The following ASTN1 variants were observed in gnomAD, a reference collection of about 807,000 sequenced individuals.
The protein encoded by ASTN1 is astrotactin-1.
Under a neutral mutation model 140.7 loss-of-function variants are expected in ASTN1, and 41 were observed. The observed-to-expected ratio is 0.29, with a 90% CI of 0.23 to 0.38. The LOEUF (loss-of-function observed/expected upper bound fraction) is 0.38. Ranked by LOEUF, ASTN1 falls within the 10% of genes least tolerant of loss-of-function variation. ASTN1 has a pLI of 1.00. For synonymous variants in ASTN1, 640 were observed against 652.2 expected (o/e 0.98, Z 0.29); for missense variants, 1,479 against 1,678.8 (o/e 0.88, Z 2.08).
In ASTN1 at chr1:176,888,145, C is replaced by T; in HGVS notation, c.3000G>A (p.Glu1000=). The T allele has an allele frequency of 6.2e-7, 1 of 1,614,084 alleles. No individual in the cohort carries two copies. The highest frequency in any genetic ancestry group is 1.1e-5 in the South Asian group (1 of 91,074). ...LWCSGTGDVI[E]DWCRCDSTAF... ...CAGTGGAGTCACATCGACACCAGTC[C>T]TCGATGACATCTCCAGTCCCTGAGC... The change falls in exon 18 of 23, where the codon GAG becomes GAA. Residue 1000 remains glutamate (E), a synonymous_variant. Transcript: ENST00000361833.
intron 16 of ASTN1, among the ~76,000 whole-genome samples, chr1:176,929,107 G>C (rs1423109945): frequency 1.3e-5 from 2 of 152,234 alleles, no homozygotes; most frequent in Non-Finnish European, 2.9e-5. Flanking sequence ...CATCAGAGTG[G>C]AGGGTACTTG....
rs180748648 is a variant in ASTN1, at chr1:176,999,025, C to T, written c.1523+15766G>A. 5.9e-5 allele frequency among the ~76,000 whole-genome samples: 9 copies of T among 152,310 alleles called. No homozygotes were observed. The East Asian group carries it at 1.7e-3, about 29-fold the overall frequency. Reference sequence around the variant, plus strand: ...AGAAGTGTGCTAGGCACAGAGTAAACTGACAGTAAATTATTACCTATTATT... The same window carrying T: ...AGAAGTGTGCTAGGCACAGAGTAAATTGACAGTAAATTATTACCTATTATT... On this transcript the variant is annotated intron_variant, in intron 8 of 22. Transcript: ENST00000361833.
intron 8 of ASTN1, among the ~76,000 whole-genome samples, chr1:176,989,757 GAC>G (rs1470572628): frequency 1.3e-5 from 2 of 152,156 alleles, no homozygotes; most frequent in Non-Finnish European, 2.9e-5. Context: ...ATTCCAGGAA[GAC>G]AGAGAAAATG....
intron 1 of ASTN1, among the ~76,000 whole-genome samples, chr1:177,111,136 C>T (rs1571799383): frequency 1.3e-5 from 2 of 152,148 alleles, no homozygotes; most frequent in East Asian, 3.9e-4. Context: ...ATTTGTTAAG[C>T]CCCTCTTCTT....
intron 16 of ASTN1, among the ~76,000 whole-genome samples, chr1:176,919,066 C>T (rs1670622329): frequency 6.6e-6 from 1 of 152,216 alleles, no homozygotes; most frequent in African/African-American, 2.4e-5. Context: ...TCCTAGCATC[C>T]TATTCATTAC....
At chr1:177,138,090 C>T (rs1267271611) in intron 1 of ASTN1, among the ~76,000 whole-genome samples, 1 of 152,132 alleles carries the variant, frequency 6.6e-6, no homozygotes, top group South Asian at 2.1e-4. Context: ...AGCTCCAGAC[C>T]TGGTGCTCAG....
intron 1 of ASTN1, among the ~76,000 whole-genome samples, chr1:177,145,372 G>A (rs1226170179): frequency 6.6e-6 from 1 of 152,112 alleles, no homozygotes; most frequent in Admixed American, 6.5e-5. Context: ...TGCCTTCCAG[G>A]CTCACTGTAT....
chr1:176,936,413 A>C, intron 14 of ASTN1, 43 bp from the exon 15 acceptor site: 1 of 1,516,332 alleles, frequency 6.6e-7, no homozygotes, highest in Non-Finnish European at 9.1e-7. Context: ...ATACTGATTC[A>C]TAAGTTCCAA....
chr1:176,979,771 A>G lies in ASTN1; in HGVS notation c.1524-14534T>C, dbSNP rs1376903479. Among the ~76,000 whole-genome samples the G allele has an allele frequency of 2.0e-5, 3 of 152,134 alleles. No individual in the cohort carries two copies. The East Asian group carries it at 5.8e-4, about 29-fold the overall frequency. On this transcript the variant is annotated intron_variant, in intron 8 of 22. Coordinates refer to ENST00000361833, the MANE Select transcript of ASTN1 (RefSeq NM_004319.3). ...GATTATAAGTTAGCAGAAGTGTGTGATATTAGTGTGATATTAGAAAAATTT... is the reference window on the plus strand; with the variant it reads ...GATTATAAGTTAGCAGAAGTGTGTGGTATTAGTGTGATATTAGAAAAATTT...
intron 1 of ASTN1, among the ~76,000 whole-genome samples, chr1:177,077,377 A>G (rs1052542915): frequency 1.3e-5 from 2 of 152,158 alleles, no homozygotes; most frequent in African/African-American, 2.4e-5. Flanking sequence ...TAGAAGGAGT[A>G]TAATTTGCCG....
intron 1 of ASTN1, among the ~76,000 whole-genome samples, chr1:177,101,626 T>C (rs938694028): frequency 6.6e-6 from 1 of 152,186 alleles, no homozygotes; most frequent in Non-Finnish European, 1.5e-5. Flanking sequence ...TCCAGGTACA[T>C]AGGCTTGCTA....
Position 177,164,672 on chromosome 1 carries a change from G to A in ASTN1, c.5C>T (p.Ala2Val), listed in dbSNP as rs1158034444. The A allele has an allele frequency of 2.6e-6, 4 of 1,564,380 alleles. No homozygotes were observed. Among genetic ancestry groups the A allele is most frequent in the Non-Finnish European group, 1.7e-6 (2 of 1,156,344 alleles). M[A>V]LAGLCALLAC... Reference sequence around the variant, plus strand: ...GAGCAGGGCGCAGAGCCCGGCTAAAGCCATCTTGAGCCCCGGCCGCCTTCC... The same window carrying A: ...GAGCAGGGCGCAGAGCCCGGCTAAAACCATCTTGAGCCCCGGCCGCCTTCC... Residue 2 changes from alanine (A) to valine (V), a missense_variant, in exon 1 of 23, where the codon GCT (alanine) becomes GTT (valine). Transcript: ENST00000361833.
chr1:177,111,842 T>A lies in ASTN1; in HGVS notation c.284-50577A>T, dbSNP rs1680835430. 2.0e-5 allele frequency among the ~76,000 whole-genome samples: 3 copies of A among 152,180 alleles called. No individual in the cohort carries two copies. The South Asian group carries it at 6.2e-4, about 32-fold the overall frequency. On this transcript the variant is annotated intron_variant, in intron 1 of 22. Coordinates refer to ENST00000361833, the MANE Select transcript of ASTN1 (RefSeq NM_004319.3). ...GGCTTTTGGTATGTCTCCTCTGATC[T>A]TAAGAGTCGGTAGCAGCCCTTACAA...
chr1:177,015,022 T>C (rs1253183074), intron 7 of ASTN1, 147 bp from the exon 8 acceptor site: 2 of 663,644 alleles, frequency 3.0e-6, no homozygotes, highest in Non-Finnish European at 5.3e-6. Flanking sequence ...TTATGTCATA[T>C]ACTCCCCTCT....
intron 1 of ASTN1, among the ~76,000 whole-genome samples, chr1:177,125,858 T>C (rs1318961677): frequency 6.6e-6 from 1 of 152,218 alleles, no homozygotes; most frequent in Non-Finnish European, 1.5e-5. Context: ...CTTCAAAGGA[T>C]AATATATTCT....
intron 17 of ASTN1, among the ~76,000 whole-genome samples, chr1:176,892,811 A>G (rs1669322203): frequency 6.6e-6 from 1 of 152,214 alleles, no homozygotes; most frequent in African/African-American, 2.4e-5. Context: ...CGTCATCTCC[A>G]TTCTTTAGGA....
At chr1:177,102,057 A>G (rs1479300467) in intron 1 of ASTN1, among the ~76,000 whole-genome samples, 2 of 152,200 alleles carry the variant, frequency 1.3e-5, no homozygotes, top group Admixed American at 1.3e-4. Flanking sequence ...GCAGTATCTG[A>G]AATGGGTCCC....
At chr1:176,880,612 T>A (rs561572410) in intron 20 of ASTN1, among the ~76,000 whole-genome samples, 1 of 152,178 alleles carries the variant, frequency 6.6e-6, no homozygotes. Context: ...CTCAGAATAA[T>A]GTTTTAAAAA....
chr1:176,974,387 A>ATTT (rs766484411), intron 8 of ASTN1, among the ~76,000 whole-genome samples: 1 of 143,950 alleles, frequency 6.9e-6, no homozygotes, highest in African/African-American at 2.5e-5. Context: ...GTTGAAAAGA[A>ATTT]TTTTTTTTTT....
Sources: gnomAD v4.1 joint callset for allele counts (sites outside exome capture counted in the v4.1 genomes callset) on GRCh38, gnomAD v4.1.1 for gene constraint, MANE v1.5 for transcripts, NCBI Gene and HGNC (gene_info 2026-07-23, HGNC 2026-07-21) for gene names.